CTNNA2: variants seen among roughly 807,000 people sequenced by gnomAD.
CTNNA2 encodes the protein catenin alpha 2.
A neutral mutation model predicts 101.0 loss-of-function variants in CTNNA2; 42 were observed. That is an observed-to-expected ratio of 0.42 (90% CI 0.32 to 0.54). The LOEUF is 0.54. CTNNA2 is among the 20% of genes least tolerant of loss of function. The pLI is 0.14. For missense variants in CTNNA2, 871 were observed against 1,223.1 expected (o/e 0.71, Z 4.29); for synonymous variants, 450 against 456.4 (o/e 0.99, Z 0.18).
chr2:79,964,723 G>T (rs1419643394), intron 7 of CTNNA2, among the ~76,000 whole-genome samples: 1 of 152,090 alleles, frequency 6.6e-6, no homozygotes, highest in Non-Finnish European at 1.5e-5. Context: ...AACTTGATTT[G>T]GTGCAATATT....
At chr2:80,073,923 T>C (rs77097849) in intron 7 of CTNNA2, among the ~76,000 whole-genome samples, 1 of 151,960 alleles carries the variant, frequency 6.6e-6, no homozygotes, top group Non-Finnish European at 1.5e-5. Flanking sequence ...GATTAACTAA[T>C]CCTCTATTTC....
At chr2:79,704,749 G>A (rs1049638974) in intron 2 of CTNNA2, among the ~76,000 whole-genome samples, 19 of 151,880 alleles carry the variant, frequency 1.3e-4, no homozygotes, top group African/African-American at 2.7e-4. Context: ...TCCTGACCTC[G>A]TCATCCACCC....
At chr2:79,778,406 T>G (rs1674155074) in intron 3 of CTNNA2, among the ~76,000 whole-genome samples, 1 of 152,146 alleles carries the variant, frequency 6.6e-6, no homozygotes, top group Non-Finnish European at 1.5e-5. Flanking sequence ...TTAGGTACTT[T>G]TTCTGCATGG....
chr2:79,698,659 A>G (rs1185299878), intron 2 of CTNNA2, among the ~76,000 whole-genome samples: 2 of 152,050 alleles, frequency 1.3e-5, no homozygotes, highest in Non-Finnish European at 2.9e-5. Context: ...CTCAGCACAT[A>G]GTTCTTTAGG....
chr2:80,161,304 C>T (rs748402523), intron 7 of CTNNA2, among the ~76,000 whole-genome samples: 3 of 152,054 alleles, frequency 2.0e-5, no homozygotes, highest in Non-Finnish European at 4.4e-5. Flanking sequence ...GCGTGAGCCC[C>T]CATGCACAGC....
At chr2:80,407,370 G>T (rs765269078) in intron 8 of CTNNA2, among the ~76,000 whole-genome samples, 82 of 152,192 alleles carry the variant, frequency 5.4e-4, no homozygotes, top group African/African-American at 2.0e-3. Context: ...AGAAACTTAC[G>T]TATAGAGTGA....
At chr2:80,451,889 C>G (rs1435047896) in intron 9 of CTNNA2, among the ~76,000 whole-genome samples, 1 of 151,884 alleles carries the variant, frequency 6.6e-6, no homozygotes, top group Non-Finnish European at 1.5e-5. Context: ...AAGATTTTTA[C>G]ATATATTTAA....
intron 7 of CTNNA2, among the ~76,000 whole-genome samples, chr2:80,021,750 C>G (rs934561897): frequency 2.0e-5 from 3 of 151,886 alleles, no homozygotes; most frequent in African/African-American, 7.3e-5. Flanking sequence ...AAAATCTACA[C>G]TCAGCAATTT....
intron 7 of CTNNA2, among the ~76,000 whole-genome samples, chr2:80,286,863 T>A (rs1397585805): frequency 6.6e-6 from 1 of 152,230 alleles, no homozygotes; most frequent in Non-Finnish European, 1.5e-5. Flanking sequence ...TATTGGTATG[T>A]AAACCCTTTG....
intron 3 of CTNNA2, among the ~76,000 whole-genome samples, chr2:79,313,374 T>C (rs1676427085): frequency 1.3e-5 from 2 of 152,200 alleles, no homozygotes; most frequent in South Asian, 4.1e-4. Flanking sequence ...TATTTAAGAT[T>C]AATTGAACAT....
At chr2:79,956,838 T>A (rs1689252857) in intron 7 of CTNNA2, among the ~76,000 whole-genome samples, 1 of 130,060 alleles carries the variant, frequency 7.7e-6, no homozygotes, top group Non-Finnish European at 1.6e-5. Context: ...TATGAATACG[T>A]GTGGGTTTTT....
At chr2:79,651,757 T>C in intron 2 of CTNNA2, 99 bp downstream of exon 2, 1 of 978,270 alleles carries the variant, frequency 1.0e-6, no homozygotes, top group Non-Finnish European at 1.6e-6. Flanking sequence ...AGAGAATAAA[T>C]CATGCCATGA....
chr2:79,379,151 T>C (rs1035517873), intron 4 of CTNNA2, among the ~76,000 whole-genome samples: 2 of 152,220 alleles, frequency 1.3e-5, no homozygotes, highest in African/African-American at 4.8e-5. Context: ...TCAGAAATTT[T>C]CTACATATAC....
chr2:80,400,283 T>C (rs897137805), intron 8 of CTNNA2, among the ~76,000 whole-genome samples: 6 of 152,200 alleles, frequency 3.9e-5, no homozygotes, highest in Non-Finnish European at 5.9e-5. Flanking sequence ...GATATTTCTT[T>C]ATCTCCCCAT....
intron 4 of CTNNA2, among the ~76,000 whole-genome samples, chr2:79,425,077 C>T (rs1341280074): frequency 2.0e-5 from 3 of 152,092 alleles, no homozygotes; most frequent in Non-Finnish European, 4.4e-5. Context: ...GAAAAATATA[C>T]CTTTATCATC....
intron 4 of CTNNA2, among the ~76,000 whole-genome samples, chr2:79,411,257 G>A (rs1678406623): frequency 6.6e-6 from 1 of 151,690 alleles, no homozygotes; most frequent in Non-Finnish European, 1.5e-5. Flanking sequence ...ACCAGCTCCT[G>A]GATTCATTAA....
At chr2:79,834,912 C>T (rs547840395) in intron 3 of CTNNA2, among the ~76,000 whole-genome samples, 1 of 152,134 alleles carries the variant, frequency 6.6e-6, no homozygotes, top group African/African-American at 2.4e-5. Flanking sequence ...TATTCTTAGT[C>T]AATATTTAGC....
chr2:80,438,902 T>A (rs1682299707), intron 9 of CTNNA2, among the ~76,000 whole-genome samples: 1 of 152,204 alleles, frequency 6.6e-6, no homozygotes, highest in Non-Finnish European at 1.5e-5. Context: ...GAGTATTACA[T>A]CGACCACTCC....
chr2:80,287,019 A>C (rs954063667), intron 7 of CTNNA2, among the ~76,000 whole-genome samples: 2 of 152,190 alleles, frequency 1.3e-5, no homozygotes, highest in Non-Finnish European at 2.9e-5. Flanking sequence ...TAAGTAAATT[A>C]ATGATATGAA....
Sources: allele counts gnomAD v4.1 joint callset (sites outside exome capture counted in the v4.1 genomes callset), GRCh38; gene constraint gnomAD v4.1.1; transcripts MANE v1.5; gene names NCBI Gene and HGNC (gene_info 2026-07-23, HGNC 2026-07-21).